Variants in RBFOX1 observed in about 807,000 individuals in gnomAD.
RBFOX1 encodes the protein RNA binding fox-1 homolog 1.
A neutral mutation model predicts 57.7 loss-of-function variants in RBFOX1; 8 were observed. That is an observed-to-expected ratio of 0.14 (90% CI 0.08 to 0.25). The LOEUF is 0.25. Among genes scored for constraint, RBFOX1 ranks in the 10% least tolerant of loss-of-function variants. RBFOX1 has a pLI of 1.00. For missense variants in RBFOX1, 611 were observed against 548.5 expected (o/e 1.11, Z -1.14); for synonymous variants, 326 against 222.4 (o/e 1.47, Z -4.15).
At chr16:5,592,330 G>A (rs796887050) in intron 2 of RBFOX1, among the ~76,000 whole-genome samples, 4 of 151,850 alleles carry the variant, frequency 2.6e-5, no homozygotes, top group South Asian at 2.1e-4. Flanking sequence ...TTATATATGC[G>A]CAGAATTTTA....
intron 3 of RBFOX1, among the ~76,000 whole-genome samples, chr16:7,046,238 GT>G (rs2047893250): frequency 2.6e-5 from 2 of 77,878 alleles, no homozygotes; most frequent in African/African-American, 2.8e-4. Context: ...AGGTAAAGGG[GT>G]GTGTGTGTGT....
chr16:5,786,320 G>A (rs970582526), intron 3 of RBFOX1, among the ~76,000 whole-genome samples: 1 of 152,086 alleles, frequency 6.6e-6, no homozygotes, highest in Admixed American at 6.5e-5. Context: ...GACCTCCCAA[G>A]TCCAGGATGG....
intron 4 of RBFOX1, among the ~76,000 whole-genome samples, chr16:7,411,813 G>T (rs1354691062): frequency 6.8e-6 from 1 of 148,082 alleles, no homozygotes; most frequent in African/African-American, 2.5e-5. Flanking sequence ...TGAGGCAGGA[G>T]AATCACTTGA....
intron 4 of RBFOX1, among the ~76,000 whole-genome samples, chr16:7,256,941 CCTTT>C (rs1293298251): frequency 1.3e-5 from 2 of 152,104 alleles, no homozygotes; most frequent in Non-Finnish European, 2.9e-5. Context: ...TGGGAAACAG[CCTTT>C]CTGTTTCTCC....
At chr16:5,912,465 C>T (rs1259484980) in intron 4 of RBFOX1, among the ~76,000 whole-genome samples, 2 of 152,280 alleles carry the variant, frequency 1.3e-5, no homozygotes, top group African/African-American at 2.4e-5. Context: ...CACCTGGCAT[C>T]TCCCAGCTCC....
At chr16:6,904,246 G>A (rs777012171) in intron 3 of RBFOX1, among the ~76,000 whole-genome samples, 2 of 152,010 alleles carry the variant, frequency 1.3e-5, no homozygotes, top group Non-Finnish European at 2.9e-5. Context: ...ACTGTCATTT[G>A]CAGGGACTTC....
At chr16:6,293,416 C>T (rs896560759) in intron 1 of RBFOX1, among the ~76,000 whole-genome samples, 8 of 149,030 alleles carry the variant, frequency 5.4e-5, no homozygotes, top group African/African-American at 9.9e-5. Flanking sequence ...ATCGCTCTGC[C>T]CGGGCTCATC....
At chr16:5,714,184 C>G (rs2051602096) in intron 3 of RBFOX1, among the ~76,000 whole-genome samples, 1 of 152,192 alleles carries the variant, frequency 6.6e-6, no homozygotes, top group African/African-American at 2.4e-5. Context: ...ATTCTTTACT[C>G]TTCTCTGCCT....
intron 2 of RBFOX1, among the ~76,000 whole-genome samples, chr16:6,583,034 C>T (rs571341990): frequency 2.6e-5 from 4 of 151,408 alleles, no homozygotes; most frequent in African/African-American, 9.7e-5. Flanking sequence ...CTCGATGTCT[C>T]TCTCTCTCTC....
At chr16:7,424,419 C>A (rs2098586287) in intron 4 of RBFOX1, among the ~76,000 whole-genome samples, 2 of 152,088 alleles carry the variant, frequency 1.3e-5, no homozygotes, top group African/African-American at 2.4e-5. Context: ...ATCATCACAC[C>A]CAGCTACTTT....
intron 1 of RBFOX1, among the ~76,000 whole-genome samples, chr16:6,055,044 A>T (rs1255303806): frequency 6.6e-6 from 1 of 152,108 alleles, no homozygotes; most frequent in Admixed American, 6.5e-5. Context: ...TCCAATGCAG[A>T]ATCATGTCAT....
rs1603451991 is a variant in RBFOX1, at chr16:6,715,384, T to C, written c.-16+60734T>C. ...TGAGTGATTTTGAATGCTGCAGCTT[T>C]ATCTTGCTGCATTATAAATATGTGA... is the stretch of plus-strand genomic sequence containing the variant. On this transcript the variant is annotated intron_variant, in intron 3 of 15. Coordinates refer to ENST00000550418, the MANE Select transcript of RBFOX1 (RefSeq NM_018723.4). 2.6e-5 allele frequency among the ~76,000 whole-genome samples: 4 copies of C among 152,264 alleles called. No individual in the cohort carries two copies. The South Asian group carries it at 8.3e-4, about 32-fold the overall frequency.
rs534461478 is a variant in RBFOX1 at position 5,530,857 on chromosome 16, G to T, written c.258+63603G>T. 1.2e-4 allele frequency among the ~76,000 whole-genome samples: 17 copies of T among 146,346 alleles called. No homozygotes were observed. The South Asian group carries it at 3.8e-3, about 32-fold the overall frequency. The stretch of plus-strand genomic sequence containing the variant: ...AATCCCAGCACTTTGGGAGGCCTAG[G>T]TGGGCGGATCATCTGAGGTCAGGAG... On this transcript the variant is annotated intron_variant, in intron 2 of 2. Coordinates refer to the RBFOX1 transcript ENST00000585867.
chr16:7,689,239 A>T (rs1315122545), intron 14 of RBFOX1, among the ~76,000 whole-genome samples: 1 of 152,050 alleles, frequency 6.6e-6, no homozygotes. Context: ...CTTAAACTCA[A>T]TTTGGCCATT....
chr16:7,311,478 CTTTTTTT>C (rs1190746565), intron 4 of RBFOX1, among the ~76,000 whole-genome samples: 2 of 122,508 alleles, frequency 1.6e-5, no homozygotes, highest in East Asian at 2.4e-4. Context: ...TGAGCCTTTT[CTTTTTTT>C]TTTTTTTTTT....
intron 4 of RBFOX1, among the ~76,000 whole-genome samples, chr16:7,065,255 AG>A (rs2055674922): frequency 6.6e-6 from 1 of 152,112 alleles, no homozygotes; most frequent in African/African-American, 2.4e-5. Context: ...GCTTTCTTGT[AG>A]CGAAGGTAGA....
Position 6,483,372 on chromosome 16 carries a change from G to C in RBFOX1, c.-64+166315G>C, listed in dbSNP as rs551414566. The C allele has an allele frequency of 4.0e-6, 6 of 1,510,738 alleles. No individual in the cohort carries two copies. In the African/African-American group the frequency reaches 6.9e-5, roughly 17 times the overall value. The allele number at this position is 1,510,738 out of a possible 1,614,324, so 93.6% of individuals were successfully genotyped here. On this transcript the variant is annotated intron_variant, in intron 2 of 15. Coordinates refer to ENST00000550418, the MANE Select transcript of RBFOX1 (RefSeq NM_018723.4). ...AGGCAGCCCGGGCGAGCGAAGGCGC[G>C]CGGCGCGCACGACAGATGACTGGAG... is the stretch of plus-strand genomic sequence containing the variant.
At chr16:7,292,247 ATATATGATATATGATATAGAACG>A (rs1295910322) in intron 4 of RBFOX1, among the ~76,000 whole-genome samples, 38 of 74,998 alleles carry the variant, frequency 5.1e-4, no homozygotes, top group Admixed American at 1.2e-3. Flanking sequence ...TATATATCAT[ATATATGATATATGATATAGAACG>A]TATTATATAT....
intron 3 of RBFOX1, among the ~76,000 whole-genome samples, chr16:5,703,410 G>T (rs768299492): frequency 5.3e-5 from 8 of 152,206 alleles, no homozygotes; most frequent in African/African-American, 1.9e-4. Context: ...TTCACTGGAG[G>T]GTCGGCAGGT....
Sources: allele counts gnomAD v4.1 joint callset (sites outside exome capture counted in the v4.1 genomes callset), GRCh38; gene constraint gnomAD v4.1.1; transcripts MANE v1.5; gene names NCBI Gene and HGNC (gene_info 2026-07-23, HGNC 2026-07-21).